RFX6: variants seen among roughly 807,000 people sequenced by gnomAD.
RFX6 encodes DNA-binding protein RFX6.
In RFX6, 50 loss-of-function variants were observed where a neutral mutation model predicts 110.8. The ratio of observed to expected loss-of-function variants is 0.45; its 90% CI spans 0.36 to 0.57. The LOEUF (loss-of-function observed/expected upper bound fraction) is 0.57. RFX6 is among the 20% of genes least tolerant of loss of function. RFX6 has a pLI of 0.00. For synonymous variants in RFX6, 383 were observed against 411.2 expected, an observed-to-expected ratio of 0.93 and a Z score of 0.83; for missense variants, 990 against 1,127.0, an observed-to-expected ratio of 0.88 and a Z score of 1.74.
intron 6 of RFX6, among the ~76,000 whole-genome samples, chr6:116,897,466 A>T (rs1452295936): frequency 6.6e-6 from 1 of 152,172 alleles, no homozygotes; most frequent in Non-Finnish European, 1.5e-5. Flanking sequence ...AAATAAAAAA[A>T]ATTCTGCTTA....
chr6:116,922,817 GCT>G (rs1358567406), intron 13 of RFX6, among the ~76,000 whole-genome samples: 1 of 151,860 alleles, frequency 6.6e-6, no homozygotes, highest in Non-Finnish European at 1.5e-5. Context: ...TCTTTTTAAA[GCT>G]CTGTCAAAGA....
intron 11 of RFX6, 58 bp downstream of exon 11, chr6:116,919,354 G>C: frequency 6.8e-7 from 1 of 1,477,830 alleles, no homozygotes; most frequent in Non-Finnish European, 9.5e-7. Flanking sequence ...TGAATCTTCT[G>C]AGAAGGACAG....
At chr6:116,887,373 A>G (rs898002320) in intron 4 of RFX6, among the ~76,000 whole-genome samples, 4 of 152,304 alleles carry the variant, frequency 2.6e-5, no homozygotes, top group African/African-American at 9.6e-5. Flanking sequence ...CTCTCTATCC[A>G]GTTCCTTCAC....
intron 9 of RFX6, 125 bp downstream of exon 9, chr6:116,916,439 T>C (rs1775468329): frequency 5.6e-6 from 4 of 710,336 alleles, no homozygotes; most frequent in South Asian, 3.1e-5. Flanking sequence ...GTCTTTTTTT[T>C]TGATGAGAAA....
intron 6 of RFX6, among the ~76,000 whole-genome samples, chr6:116,898,356 G>T (rs1010273483): frequency 6.6e-6 from 1 of 151,948 alleles, no homozygotes; most frequent in Non-Finnish European, 1.5e-5. Flanking sequence ...TTGAGACAGG[G>T]TCTCACTCTG....
At position 116,877,486 on chromosome 6, in the gene RFX6, G is replaced by A; in HGVS notation, c.211G>A (p.Ala71Thr). Residue 71 changes from alanine to threonine, a missense_variant, in exon 1 of 19, where the codon GCA becomes ACA. This residue lies in a region of RFX6 where 175 missense variants were observed against 162.3 expected (regional missense o/e 1.08). Coordinates refer to ENST00000332958, the MANE Select transcript of RFX6 (RefSeq NM_173560.4). ...AGGCGAAGACCCGGAGCTGCCGGGG[G>A]CAGTGAAATCAGGTGAGTGCTCTGC... ...EKGEDPELPG[A>T]VKSEMHLNNG... The A allele has an allele frequency of 2.6e-6, 4 of 1,558,356 alleles. No individual in the cohort carries two copies. Among genetic ancestry groups the A allele is most frequent in the East Asian group, 4.8e-5 (2 of 41,642 alleles).
At chr6:116,901,012 C>G (rs1234591207) in intron 6 of RFX6, among the ~76,000 whole-genome samples, 1 of 152,082 alleles carries the variant, frequency 6.6e-6, no homozygotes, top group Non-Finnish European at 1.5e-5. Context: ...ACTTCGAGTA[C>G]CCATACAACC....
rs200963523 is a variant in RFX6 at position 116,918,001 on chromosome 6, T to TAAAG, written c.973-34_973-31dup. The TAAAG allele has an allele frequency of 2.6e-3, 3,763 of 1,446,296 alleles. 74 individuals carry two copies. The African/African-American group carries it at 0.047, about 18-fold the overall frequency. 89.6% of individuals were successfully genotyped at this position (1,446,296 alleles called of 1,614,324 possible). On this transcript the variant is annotated intron_variant, in intron 9 of 18. Transcript: ENST00000332958. ...TATGTCTTTCTATAGAAATACTAAG[T>TAAAG]AAAGATTTGTATTAACCTCTTTTGC...
intron 12 of RFX6, among the ~76,000 whole-genome samples, chr6:116,921,693 C>T (rs72966057): frequency 3.2e-3 from 483 of 149,962 alleles, no homozygotes; most frequent in Non-Finnish European, 4.4e-3. Context: ...CTTGTTGGTG[C>T]GTGCCTGGAG....
chr6:116,908,331 A>G (rs1369009890), intron 6 of RFX6, among the ~76,000 whole-genome samples: 4 of 152,032 alleles, frequency 2.6e-5, no homozygotes, highest in African/African-American at 9.7e-5. Context: ...TGACTTTTAA[A>G]TTGATCTTGT....
At position 116,881,859 on chromosome 6, in the gene RFX6, G is replaced by A. The variant is rs552112638; in HGVS notation, c.505-508G>A. Among the ~76,000 whole-genome samples the A allele has an allele frequency of 1.7e-4, 26 of 152,182 alleles. 1 individual carries two copies. The highest frequency in any genetic ancestry group is 1.6e-3 in the Admixed American group (25 of 15,276). On this transcript the variant is annotated intron_variant, in intron 3 of 18. Transcript: ENST00000332958. ...AAGATTGAGGTTAAAATTGTTTTATGTAGAAGACTTTTTAAAAAATGTTTA... is the reference window on the plus strand; with the variant it reads ...AAGATTGAGGTTAAAATTGTTTTATATAGAAGACTTTTTAAAAAATGTTTA...
At chr6:116,899,777 A>G (rs1346834950) in intron 6 of RFX6, among the ~76,000 whole-genome samples, 1 of 152,200 alleles carries the variant, frequency 6.6e-6, no homozygotes. Flanking sequence ...TCACTTTCTA[A>G]GCATAAAAGC....
chr6:116,931,454 CTT>C lies in RFX6; in HGVS notation c.2737_2738del (p.Leu913ThrfsTer25). 1.2e-6 allele frequency: 2 copies of C among 1,613,568 alleles called. No homozygotes were observed. The highest frequency in any genetic ancestry group is 1.7e-6 in the Non-Finnish European group (2 of 1,179,536). ...ACAAGCAGTAGAGAAATGGTGTCCT[CTT>C]TACCACCTATCAACACTGTGTTCAT... On this transcript the variant is annotated frameshift_variant, in exon 19 of 19. Transcript: ENST00000332958.
rs1349109025 is a variant in RFX6, at chr6:116,910,949, T to C, written c.687T>C (p.Arg229=). 1 of 1,613,204 alleles carries C rather than the reference T, an allele frequency of 6.2e-7. No homozygotes were observed. Among genetic ancestry groups the C allele is most frequent in the Admixed American group, 1.7e-5 (1 of 59,996 alleles). ...SKLKNEGGFT[R]KYSLSSKTGT... is the part of the protein sequence containing the mutation. Reference sequence around the variant, plus strand: ...CTAAATTATAGGGTGGCTTCACTCGTAAATATTCGCTTAGCTCAAAAACTG... The same window carrying C: ...CTAAATTATAGGGTGGCTTCACTCGCAAATATTCGCTTAGCTCAAAAACTG... Residue 229 remains arginine, a synonymous_variant, in exon 7 of 19, where the codon CGT becomes CGC. Transcript: ENST00000332958.
chr6:116,902,892 TTTCC>T (rs1775105696), intron 6 of RFX6, among the ~76,000 whole-genome samples: 1 of 152,068 alleles, frequency 6.6e-6, no homozygotes, highest in Non-Finnish European at 1.5e-5. Context: ...TCCTTTAATC[TTTCC>T]TCATAAATCA....
intron 4 of RFX6, among the ~76,000 whole-genome samples, chr6:116,883,526 T>C (rs557105384): frequency 6.6e-6 from 1 of 152,304 alleles, no homozygotes; most frequent in East Asian, 1.9e-4. Flanking sequence ...ATGTTTTATG[T>C]AATCCAATTT....
rs754024859 is a variant in RFX6, at chr6:116,877,367, A to C, written c.92A>C (p.Gln31Pro). ...GGGATCCAGGAAGACTGCTGTGTGC[A>C]GCTCCTGGGCAAGGGCTTGCTAGTC... ...SPGIQEDCCV[Q>P]LLGKGLLVYP... Residue 31 changes from glutamine to proline, a missense_variant, in exon 1 of 19, where the codon CAG (glutamine) becomes CCG (proline). Gln to Pro is a moderately conservative substitution (Grantham distance 76). Transcript: ENST00000332958. 1.2e-6 allele frequency: 2 copies of C among 1,611,818 alleles called. No homozygotes were observed. The highest frequency in any genetic ancestry group is 1.7e-6 in the Non-Finnish European group (2 of 1,179,116).
chr6:116,920,446 A>G lies in RFX6; in HGVS notation c.1319A>G (p.Tyr440Cys), dbSNP rs1018054636. The change falls in exon 12 of 19, where the codon TAC becomes TGC. Residue 440 changes from tyrosine to cysteine, a missense_variant. Tyr to Cys is a radical substitution (Grantham distance 194). Coordinates refer to ENST00000332958, the MANE Select transcript of RFX6 (RefSeq NM_173560.4). ...SGSTDTESGI[Y>C]TEHDSITVFQ... Reference sequence around the variant, plus strand: ...AGCACAGACACTGAATCTGGTATCTACACTGAACGTAAGTCCATTCTCTTT... The same window carrying G: ...AGCACAGACACTGAATCTGGTATCTGCACTGAACGTAAGTCCATTCTCTTT... 1.2e-6 allele frequency: 2 copies of G among 1,613,296 alleles called. No homozygotes were observed. The highest frequency in any genetic ancestry group is 2.2e-5 in the East Asian group (1 of 44,864).
In RFX6 at chr6:116,927,216, C is replaced by A. The variant is rs773938567; in HGVS notation, c.2075C>A (p.Ala692Asp). 3.1e-6 allele frequency: 5 copies of A among 1,614,202 alleles called. No homozygotes were observed. The highest frequency in any genetic ancestry group is 1.1e-5 in the South Asian group (1 of 91,084). ...PEPIYPTLPQ[A>D]NHDFYSTSSN... ...CCCATTTATCCCACTCTCCCTCAAG[C>A]CAATCATGACTTTTATAGCACCAGC... The change falls in exon 17 of 19, where the codon GCC becomes GAC. Residue 692 changes from alanine (A) to aspartate (D), a missense_variant. By Grantham distance (126) the Ala-to-Asp change is moderately radical. Around this residue, in one of 5 missense-constraint regions of RFX6, gnomAD observed 438 missense variants for 441.9 expected, o/e 0.99. Transcript: ENST00000332958.
Sources: gnomAD v4.1 joint callset for allele counts (sites outside exome capture counted in the v4.1 genomes callset) on GRCh38, gnomAD v4.1.1 for gene constraint, gnomAD v4.1.1 regional missense constraint, MANE v1.5 for transcripts, NCBI Gene and HGNC (gene_info 2026-07-23, HGNC 2026-07-21) for gene names.